Variants in PLA2G5 observed in about 807,000 individuals in gnomAD.
PLA2G5 encodes the protein Ca2+-dependent phospholipase A2.
In PLA2G5, 12 loss-of-function variants were observed where a neutral mutation model predicts 15.9. That is an observed-to-expected ratio of 0.76 (90% confidence interval 0.48 to 1.23). The LOEUF (loss-of-function observed/expected upper bound fraction) is 1.23, where lower values mean the gene tolerates loss of function less well. Among genes scored for constraint, PLA2G5 ranks in the 50% most tolerant of loss-of-function variants. The pLI, the probability that PLA2G5 is intolerant of heterozygous loss-of-function variation, is 0.00. For missense variants in PLA2G5, 169 were observed against 177.1 expected (o/e 0.95, Z 0.26); for synonymous variants, 71 against 71.4 (o/e 0.99, Z 0.03).
chr1:20,074,218 C>T (rs889841101), intron 1 of PLA2G5, among the ~76,000 whole-genome samples: 1 of 152,130 alleles, frequency 6.6e-6, no homozygotes, highest in Admixed American at 6.5e-5. Context: ...TAAGTCAATT[C>T]GAGAGCACAG....
chr1:20,040,600 ACAC>A (rs761020048), intron 1 of PLA2G5, among the ~76,000 whole-genome samples: 5 of 152,122 alleles, frequency 3.3e-5, no homozygotes, highest in African/African-American at 9.6e-5. Context: ...ACACACACAC[ACAC>A]ACAAACACTC....
At chr1:20,090,454 C>T in intron 4 of PLA2G5, 114 bp from the exon 5 acceptor site, 2 of 1,029,112 alleles carry the variant, frequency 1.9e-6, no homozygotes, top group South Asian at 2.7e-5. Context: ...GATTTAGGAG[C>T]CATGCCTCTT....
intron 1 of PLA2G5, among the ~76,000 whole-genome samples, chr1:20,040,094 C>T (rs1421716669): frequency 2.0e-5 from 3 of 152,062 alleles, no homozygotes; most frequent in African/African-American, 4.8e-5. Flanking sequence ...AACAAACACA[C>T]AAACAAAAAA....
intron 1 of PLA2G5, among the ~76,000 whole-genome samples, chr1:20,054,432 C>A (rs1194988396): frequency 6.6e-6 from 1 of 152,066 alleles, no homozygotes; most frequent in Non-Finnish European, 1.5e-5. Context: ...CATATATTTT[C>A]TTTTAGCCTC....
intron 1 of PLA2G5, among the ~76,000 whole-genome samples, chr1:20,053,884 C>T (rs988690321): frequency 3.3e-5 from 5 of 152,164 alleles, no homozygotes; most frequent in Admixed American, 6.5e-5. Context: ...GATGTGTTTC[C>T]AGTTTTATAG....
In PLA2G5 at chr1:20,091,643, G is replaced by C. The variant is rs972475938; in HGVS notation, c.*951G>C. On this transcript the variant is annotated 3_prime_UTR_variant, in exon 5 of 5. Transcript: ENST00000375108. The stretch of plus-strand genomic sequence containing the variant: ...CAGCAGGAATTTTTTTTTAATAGGT[G>C]TCAGCTGTGGGGTTTATTTTTTACA... Among the ~76,000 whole-genome samples the C allele has an allele frequency of 8.6e-5, 13 of 151,928 alleles. No individual in the cohort carries two copies. The highest frequency in any genetic ancestry group is 3.1e-4 in the African/African-American group (13 of 41,324).
chr1:20,038,793 G>A (rs565360203), intron 1 of PLA2G5, among the ~76,000 whole-genome samples: 2 of 152,224 alleles, frequency 1.3e-5, no homozygotes, highest in East Asian at 3.9e-4. Flanking sequence ...AAGAAAAAAA[G>A]GATAAGTAAT....
At chr1:20,052,466 G>C (rs779266233) in intron 1 of PLA2G5, among the ~76,000 whole-genome samples, 5 of 152,172 alleles carry the variant, frequency 3.3e-5, no homozygotes, top group Non-Finnish European at 7.3e-5. Context: ...CATACCTGAT[G>C]CATGGACCTC....
At position 20,086,149 on chromosome 1, in the gene PLA2G5, A is replaced by G. The variant is rs2016276709; in HGVS notation, c.107A>G (p.Asn36Ser). The G allele has an allele frequency of 6.2e-7, 1 of 1,614,070 alleles. No individual in the cohort carries two copies. The highest frequency in any genetic ancestry group is 1.1e-5 in the South Asian group (1 of 91,076). ...KSMIEKVTGK[N>S]ALTNYGFYGC... is the part of the protein sequence containing the mutation. ...ATGATCGAGAAGGTGACAGGGAAGA[A>G]CGCCCTGACAAACTACGGCTTCTAC... Residue 36 changes from asparagine to serine, a missense_variant, in exon 3 of 5, where the codon AAC becomes AGC. Coordinates refer to ENST00000375108, the MANE Select transcript of PLA2G5 (RefSeq NM_000929.3).
intron 3 of PLA2G5, among the ~76,000 whole-genome samples, chr1:20,087,305 G>T (rs1191195660): frequency 6.6e-6 from 1 of 152,156 alleles, no homozygotes; most frequent in African/African-American, 2.4e-5. Flanking sequence ...CCCTCGGACT[G>T]GTTCCAGGAC....
Position 20,050,946 on chromosome 1 carries a change from A to G in PLA2G5, n.277-8686A>G, listed in dbSNP as rs2014150120. Among the ~76,000 whole-genome samples the G allele has an allele frequency of 2.0e-5, 3 of 152,318 alleles. No homozygotes were observed. The South Asian group carries it at 6.2e-4, about 32-fold the overall frequency. On this transcript the variant is annotated intron_variant and non_coding_transcript_variant, in intron 1 of 6. Transcript: ENST00000460175. ...AAAATTATACAGGAAATATTGTTAA[A>G]TATGAAATTGTGTTTGGTTTTCTTT...
rs2016563558 is a variant in PLA2G5, at chr1:20,091,742, A to C, written c.*1050A>C. On this transcript the variant is annotated 3_prime_UTR_variant, in exon 5 of 5. Coordinates refer to ENST00000375108, the MANE Select transcript of PLA2G5 (RefSeq NM_000929.3). ...AGGATGTTCTGATACCAAGACTGAA[A>C]GAAGAAAGGATGTATTCCAAAACAA... Among the ~76,000 whole-genome samples the C allele has an allele frequency of 1.3e-5, 2 of 152,214 alleles. No homozygotes were observed. Among genetic ancestry groups the C allele is most frequent in the African/African-American group, 4.8e-5 (2 of 41,460 alleles).
intron 1 of PLA2G5, among the ~76,000 whole-genome samples, chr1:20,031,628 C>T (rs1382407699): frequency 7.3e-6 from 1 of 137,232 alleles, no homozygotes; most frequent in Admixed American, 8.0e-5. Flanking sequence ...TTAAGTGCCG[C>T]TAGGTTAGTC....
chr1:20,073,276 C>G (rs549086769), intron 1 of PLA2G5, among the ~76,000 whole-genome samples: 2 of 152,298 alleles, frequency 1.3e-5, no homozygotes, highest in South Asian at 4.1e-4. Flanking sequence ...TAAGAGTGAA[C>G]AGTTTAATGG....
At chr1:20,057,278 T>A (rs992253244) in intron 1 of PLA2G5, among the ~76,000 whole-genome samples, 2 of 152,052 alleles carry the variant, frequency 1.3e-5, no homozygotes, top group African/African-American at 4.8e-5. Context: ...CTCTCCTTTT[T>A]TTATTTCATA....
chr1:20,061,907 T>C (rs2014754198), intron 2 of PLA2G5, among the ~76,000 whole-genome samples: 1 of 152,256 alleles, frequency 6.6e-6, no homozygotes, highest in Admixed American at 6.5e-5. Context: ...AGATCTCATG[T>C]TGAAATGTAA....
At chr1:20,090,518 C>T in intron 4 of PLA2G5, 50 bp from the exon 5 acceptor site, 2 of 1,607,892 alleles carry the variant, frequency 1.2e-6, no homozygotes, top group Admixed American at 1.7e-5. Flanking sequence ...TCTGCTGAGA[C>T]TGGAGCATGC....
At chr1:20,033,252 G>A (rs561026979) in intron 1 of PLA2G5, among the ~76,000 whole-genome samples, 5 of 152,310 alleles carry the variant, frequency 3.3e-5, no homozygotes, top group Admixed American at 6.5e-5. Flanking sequence ...AAGAGCTTCC[G>A]TTAATGAACC....
intron 1 of PLA2G5, among the ~76,000 whole-genome samples, chr1:20,038,281 A>G (rs1486068409): frequency 1.3e-5 from 2 of 152,104 alleles, no homozygotes; most frequent in Non-Finnish European, 2.9e-5. Flanking sequence ...CCACCCCCCA[A>G]AAAAAATCTG....
Sources: allele counts gnomAD v4.1 joint callset (sites outside exome capture counted in the v4.1 genomes callset), GRCh38; gene constraint gnomAD v4.1.1; transcripts MANE v1.5; gene names NCBI Gene and HGNC (gene_info 2026-07-23, HGNC 2026-07-21).